ARSB: variants seen among roughly 807,000 people sequenced by gnomAD.
ARSB encodes arylsulfatase B.
In ARSB, 41 loss-of-function variants were observed where a neutral mutation model predicts 50.9. That is an observed-to-expected ratio of 0.81 (90% CI 0.63 to 1.04). ARSB has a LOEUF of 1.04. Among genes scored for constraint, ARSB ranks in the 50% least tolerant of loss-of-function variants. The pLI is 0.00. For missense variants in ARSB, 672 were observed against 693.3 expected, an observed-to-expected ratio of 0.97 and a Z score of 0.35; for synonymous variants, 269 against 284.8, an observed-to-expected ratio of 0.94 and a Z score of 0.56.
chr5:78,895,749 C>T (rs1294352408), intron 4 of ARSB, among the ~76,000 whole-genome samples: 1 of 152,164 alleles, frequency 6.6e-6, no homozygotes, highest in Non-Finnish European at 1.5e-5. Context: ...GACCCTCAAC[C>T]CAGGAAGCAG....
chr5:78,889,220 A>G (rs1455521852), intron 4 of ARSB, among the ~76,000 whole-genome samples: 2 of 152,248 alleles, frequency 1.3e-5, no homozygotes, highest in African/African-American at 4.8e-5. Context: ...GAATAAAATA[A>G]GCTCTTTTGC....
At chr5:78,829,563 C>T (rs2112691922) in intron 6 of ARSB, among the ~76,000 whole-genome samples, 1 of 152,280 alleles carries the variant, frequency 6.6e-6, no homozygotes, top group African/African-American at 2.4e-5. Context: ...GGGCCATATA[C>T]TCATTCCCTA....
At chr5:78,842,271 G>A (rs1745256801) in intron 5 of ARSB, among the ~76,000 whole-genome samples, 1 of 152,186 alleles carries the variant, frequency 6.6e-6, no homozygotes, top group Non-Finnish European at 1.5e-5. Context: ...TCGGAAGGAG[G>A]GGAAGGGGTG....
At chr5:78,797,758 C>T (rs995351983) in intron 6 of ARSB, among the ~76,000 whole-genome samples, 4 of 152,196 alleles carry the variant, frequency 2.6e-5, no homozygotes, top group African/African-American at 9.6e-5. Flanking sequence ...TCTCTAATGT[C>T]CGATGTGCAC....
intron 5 of ARSB, among the ~76,000 whole-genome samples, chr5:78,842,366 A>C (rs1185813312): frequency 6.6e-6 from 1 of 152,234 alleles, no homozygotes; most frequent in African/African-American, 2.4e-5. Context: ...TGAAAAGACC[A>C]GTAAATGGCA....
intron 5 of ARSB, among the ~76,000 whole-genome samples, chr5:78,853,247 T>C (rs1018345720): frequency 1.3e-5 from 2 of 152,250 alleles, no homozygotes; most frequent in African/African-American, 4.8e-5. Flanking sequence ...GTGGATGTCC[T>C]TTCTGTTTGT....
At chr5:78,844,265 C>A (rs1002308621) in intron 5 of ARSB, among the ~76,000 whole-genome samples, 1 of 152,052 alleles carries the variant, frequency 6.6e-6, no homozygotes, top group Non-Finnish European at 1.5e-5. Context: ...TATCTCATTG[C>A]GATTTGATTT....
chr5:78,909,731 A>C (rs1225530026), intron 4 of ARSB, among the ~76,000 whole-genome samples: 1 of 152,160 alleles, frequency 6.6e-6, no homozygotes, highest in Non-Finnish European at 1.5e-5. Context: ...GATAGTCTGA[A>C]ATATGGCCTT....
At chr5:78,921,808 T>C (rs912515455) in intron 4 of ARSB, among the ~76,000 whole-genome samples, 7 of 152,138 alleles carry the variant, frequency 4.6e-5, no homozygotes, top group African/African-American at 1.7e-4. Context: ...AAAAGAGGCA[T>C]TGAAGAGGGT....
At chr5:78,933,270 G>A (rs192049330) in intron 4 of ARSB, among the ~76,000 whole-genome samples, 73 of 152,176 alleles carry the variant, frequency 4.8e-4, no homozygotes, top group Non-Finnish European at 7.5e-4. Flanking sequence ...TTTTATAATC[G>A]TTTACAGCTT....
intron 1 of ARSB, among the ~76,000 whole-genome samples, chr5:78,970,349 AT>A (rs1489238960): frequency 2.6e-5 from 4 of 152,138 alleles, no homozygotes; most frequent in Non-Finnish European, 5.9e-5. Flanking sequence ...TCACTTAACT[AT>A]TTGGTTTTGA....
chr5:78,924,107 C>T (rs888835265), intron 4 of ARSB, among the ~76,000 whole-genome samples: 8 of 152,134 alleles, frequency 5.3e-5, no homozygotes, highest in African/African-American at 1.9e-4. Context: ...TGCAAAATGG[C>T]AAAAGCCCAG....
At chr5:78,978,917 A>G (rs1752783033) in intron 1 of ARSB, among the ~76,000 whole-genome samples, 1 of 152,252 alleles carries the variant, frequency 6.6e-6, no homozygotes, top group South Asian at 2.1e-4. Flanking sequence ...ATCTTGGATT[A>G]GAAAATGGTT....
intron 5 of ARSB, among the ~76,000 whole-genome samples, chr5:78,880,587 C>T (rs1747701139): frequency 1.3e-5 from 2 of 152,200 alleles, no homozygotes; most frequent in African/African-American, 4.8e-5. Flanking sequence ...CAAACCGCTA[C>T]AGCCTTTATA....
At chr5:78,972,516 TACACAC>T (rs59035274) in intron 1 of ARSB, among the ~76,000 whole-genome samples, 32 of 145,688 alleles carry the variant, frequency 2.2e-4, no homozygotes, top group Non-Finnish European at 2.8e-4. Flanking sequence ...CACGCATACG[TACACAC>T]ACACACACAC....
Position 78,964,672 on chromosome 5 carries a change from G to A in ARSB, c.500-66C>T, listed in dbSNP as rs1752133059. 1.4e-5 allele frequency: 20 copies of A among 1,438,688 alleles called. No individual in the cohort carries two copies. In the East Asian group the frequency reaches 4.7e-4, roughly 33 times the overall value. The allele number at this position is 1,438,688 out of a possible 1,614,324, so 89.1% of individuals were successfully genotyped here. ...ACTTGTTAAACAAACTAATGTTTCA[G>A]CATTTAATTGCCTAATGCAATTGAT... On this transcript the variant is annotated intron_variant, in intron 2 of 7. Coordinates refer to ENST00000264914, the MANE Select transcript of ARSB (RefSeq NM_000046.5).
intron 5 of ARSB, among the ~76,000 whole-genome samples, chr5:78,848,069 T>A (rs1745534688): frequency 6.6e-6 from 1 of 150,840 alleles, no homozygotes; most frequent in African/African-American, 2.4e-5. Context: ...TTATTATTAT[T>A]ATTTTATTAT....
At chr5:78,859,439 G>A (rs375685883) in intron 5 of ARSB, among the ~76,000 whole-genome samples, 1 of 152,058 alleles carries the variant, frequency 6.6e-6, no homozygotes, top group East Asian at 1.9e-4. Context: ...GTTAATTCAG[G>A]ATAAACTTCA....
intron 6 of ARSB, among the ~76,000 whole-genome samples, chr5:78,808,830 C>T (rs1369241302): frequency 6.6e-6 from 1 of 152,208 alleles, no homozygotes; most frequent in Non-Finnish European, 1.5e-5. Context: ...AGGATGGCCC[C>T]CTGGGCTCCC....
Sources: allele counts gnomAD v4.1 joint callset (sites outside exome capture counted in the v4.1 genomes callset), GRCh38; gene constraint gnomAD v4.1.1; transcripts MANE v1.5; gene names NCBI Gene and HGNC (gene_info 2026-07-23, HGNC 2026-07-21).